TERF2: variants seen among roughly 807,000 people sequenced by gnomAD.
The protein encoded by TERF2 is telomeric repeat-binding factor 2.
Under a neutral mutation model 56.1 loss-of-function variants are expected in TERF2, and 16 were observed. The ratio of observed to expected loss-of-function variants is 0.29; its 90% CI spans 0.19 to 0.43. TERF2 has a LOEUF of 0.43. TERF2 is among the 20% of genes least tolerant of loss of function. The pLI, the probability that TERF2 is intolerant of heterozygous loss-of-function variation, is 1.00. For synonymous variants in TERF2, 296 were observed against 282.1 expected, an observed-to-expected ratio of 1.05 and a Z score of -0.50; for missense variants, 547 against 712.9, an observed-to-expected ratio of 0.77 and a Z score of 2.65.
chr16:69,382,160 C>G (rs1156271613), intron 3 of TERF2, among the ~76,000 whole-genome samples: 1 of 152,326 alleles, frequency 6.6e-6, no homozygotes, highest in Non-Finnish European at 1.5e-5. Context: ...CTGAAAGGGT[C>G]CTGGGGACCT....
intron 8 of TERF2, among the ~76,000 whole-genome samples, chr16:69,357,839 T>C (rs1485156509): frequency 6.7e-6 from 1 of 149,208 alleles, no homozygotes; most frequent in East Asian, 2.0e-4. Flanking sequence ...AAAATCAACA[T>C]CGTTTTCTTT....
intron 6 of TERF2, 138 bp downstream of exon 6, chr16:69,368,238 C>T: frequency 1.4e-6 from 1 of 740,356 alleles, no homozygotes; most frequent in Non-Finnish European, 2.2e-6. Context: ...CAGTCTCCCC[C>T]AGTGCCTTGT....
At chr16:69,370,161 G>C in intron 5 of TERF2, 1 of 322,894 alleles carries the variant, frequency 3.1e-6, no homozygotes, top group Non-Finnish European at 5.7e-6. Flanking sequence ...CTCCAAAGTA[G>C]CTAGGATTAC....
intron 3 of TERF2, among the ~76,000 whole-genome samples, chr16:69,380,012 C>G (rs2013936799): frequency 6.6e-6 from 1 of 151,968 alleles, no homozygotes; most frequent in Non-Finnish European, 1.5e-5. Context: ...CTCCTGGGTT[C>G]AAGCGATTCT....
intron 4 of TERF2, among the ~76,000 whole-genome samples, chr16:69,371,875 A>C (rs921479360): frequency 2.0e-5 from 3 of 152,202 alleles, no homozygotes; most frequent in Non-Finnish European, 4.4e-5. Context: ...CAGGGGACCA[A>C]CAGAACTTTT....
In TERF2 at chr16:69,367,110, G is replaced by C. The variant is rs1468978189; in HGVS notation, c.1037C>G (p.Ala346Gly). The change falls in exon 7 of 10, where the codon GCC becomes GGC. Residue 346 changes from alanine (A) to glycine (G), a missense_variant. By Grantham distance (60) the Ala-to-Gly change is moderately conservative. Transcript: ENST00000254942. ...TLSGAQDSEA[A>G]FAKLDQKDLV... ...ATCCTTCTGGTCCAGTTTTGCAAAG[G>C]CTGCCTCAGAATCCTGTGCACCAGA... The C allele has an allele frequency of 2.0e-5, 32 of 1,614,072 alleles. No homozygotes were observed. The highest frequency in any genetic ancestry group is 2.6e-5 in the Non-Finnish European group (31 of 1,180,042).
intron 8 of TERF2, among the ~76,000 whole-genome samples, chr16:69,359,627 A>AT (rs564611021): frequency 0.025 from 1,850 of 72,612 alleles, 650 homozygotes; most frequent in African/African-American, 0.037. Context: ...ATCATTCCCA[A>AT]TTTTTTTTTT....
intron 8 of TERF2, among the ~76,000 whole-genome samples, chr16:69,358,691 T>C (rs2013013491): frequency 6.6e-6 from 1 of 152,212 alleles, no homozygotes. Context: ...AGAAAGTATC[T>C]GACAACTGCT....
In TERF2 at chr16:69,367,175, G is replaced by A. The variant is rs1478327930; in HGVS notation, c.972C>T (p.Thr324=). The A allele has an allele frequency of 6.2e-7, 1 of 1,609,666 alleles. No individual in the cohort carries two copies. Among genetic ancestry groups the A allele is most frequent in the East Asian group, 2.2e-5 (1 of 44,778 alleles). The change falls in exon 7 of 10, where the codon ACC becomes ACT. Residue 324 remains threonine (T), a synonymous_variant. Coordinates refer to ENST00000254942, the MANE Select transcript of TERF2 (RefSeq NM_005652.5). ...PARQLRNPPT[T]IGMMTLKAAF... is the part of the protein sequence containing the mutation. ...CTGCTTTCAGAGTCATCATTCCAAT[G>A]GTGGTTGGAGGATTCCGTAGCTGCC...
In TERF2 at chr16:69,355,814, T is replaced by C. The variant is rs1192611811; in HGVS notation, c.*1084A>G. On this transcript the variant is annotated 3_prime_UTR_variant, in exon 10 of 10. Transcript: ENST00000254942. ...GAGGAAGCAACCATTTCACAAAGAA[T>C]GAAATTAGGCATTTATATTCAATCG... The C allele has an allele frequency of 6.1e-6, 1 of 163,442 alleles. No individual in the cohort carries two copies. The highest frequency in any genetic ancestry group is 1.8e-4 in the East Asian group (1 of 5,552). The allele number at this position is 163,442 out of a possible 1,614,324, so 10.1% of individuals were successfully genotyped here.
At chr16:69,363,559 T>C (rs1189516953) in intron 7 of TERF2, among the ~76,000 whole-genome samples, 1 of 152,076 alleles carries the variant, frequency 6.6e-6, no homozygotes, top group Non-Finnish European at 1.5e-5. Flanking sequence ...AGTTTGAACA[T>C]GAAGAGCAAT....
intron 3 of TERF2, among the ~76,000 whole-genome samples, chr16:69,377,393 T>C (rs1324560695): frequency 6.6e-6 from 1 of 151,506 alleles, no homozygotes; most frequent in African/African-American, 2.4e-5. Flanking sequence ...ACTGCTGCAA[T>C]CTCAGCTCAC....
Position 69,355,626 on chromosome 16 carries a change from C to T in TERF2, c.*1272G>A, listed in dbSNP as rs2012869234. ...AAGTATGGACAATAATTAGTTCTCA[C>T]CTTTTAAAAAAAGATTACAGAAAAC... On this transcript the variant is annotated 3_prime_UTR_variant, in exon 10 of 10. Transcript: ENST00000254942. 6.6e-6 allele frequency: 1 copy of T among 152,546 alleles called. No homozygotes were observed. Among genetic ancestry groups the T allele is most frequent in the Admixed American group, 6.5e-5 (1 of 15,272 alleles). The allele number at this position is 152,546 out of a possible 1,614,324, so 9.4% of individuals were successfully genotyped here.
At chr16:69,380,443 G>A (rs2013952663) in intron 3 of TERF2, among the ~76,000 whole-genome samples, 1 of 151,720 alleles carries the variant, frequency 6.6e-6, no homozygotes, top group African/African-American at 2.4e-5. Context: ...GGTGGATCAT[G>A]AGGTCAGGAG....
At chr16:69,371,238 C>T (rs1267932758) in intron 4 of TERF2, among the ~76,000 whole-genome samples, 1 of 152,014 alleles carries the variant, frequency 6.6e-6, no homozygotes, top group Non-Finnish European at 1.5e-5. Context: ...GTGGCTCACA[C>T]CTGTAATGCC....
chr16:69,363,709 C>T (rs1359760605), intron 7 of TERF2, among the ~76,000 whole-genome samples: 3 of 152,204 alleles, frequency 2.0e-5, no homozygotes, highest in African/African-American at 7.2e-5. Flanking sequence ...TGGCTCACGT[C>T]TGTAATCCCA....
At chr16:69,369,656 A>C (rs2142734774) in intron 5 of TERF2, among the ~76,000 whole-genome samples, 1 of 152,310 alleles carries the variant, frequency 6.6e-6, no homozygotes, top group South Asian at 2.1e-4. Flanking sequence ...CCTTCACCAC[A>C]GTCTCCCATC....
intron 3 of TERF2, among the ~76,000 whole-genome samples, chr16:69,381,786 T>C (rs1247009219): frequency 2.0e-5 from 3 of 152,216 alleles, no homozygotes; most frequent in African/African-American, 4.8e-5. Flanking sequence ...TGGCCCATAC[T>C]TTCTATTTCA....
At chr16:69,380,307 T>C (rs1348746649) in intron 3 of TERF2, among the ~76,000 whole-genome samples, 1 of 152,162 alleles carries the variant, frequency 6.6e-6, no homozygotes, top group Non-Finnish European at 1.5e-5. Flanking sequence ...ACTGTGGCTA[T>C]TCTTGTTTGA....
Sources: allele counts gnomAD v4.1 joint callset (sites outside exome capture counted in the v4.1 genomes callset), GRCh38; gene constraint gnomAD v4.1.1; transcripts MANE v1.5; gene names NCBI Gene and HGNC (gene_info 2026-07-23, HGNC 2026-07-21).